The following DENND1B variants were observed in gnomAD, a reference collection of about 807,000 sequenced individuals.
DENND1B encodes DENN domain-containing protein 1B.
DENND1B carries 59 observed loss-of-function variants against 90.1 expected under a neutral mutation model. That is an observed-to-expected ratio of 0.65 (90% CI 0.53 to 0.81). The LOEUF (loss-of-function observed/expected upper bound fraction) is 0.81. DENND1B is among the 40% of genes least tolerant of loss of function. The probability of loss-of-function intolerance (pLI) is 0.00; values close to 1 mark genes in which losing one functional copy is unlikely to be tolerated. For synonymous variants in DENND1B, 337 were observed against 324.6 expected, an observed-to-expected ratio of 1.04 and a Z score of -0.41; for missense variants, 862 against 912.6, an observed-to-expected ratio of 0.94 and a Z score of 0.71.
At chr1:197,668,100 T>C (rs1198754273) in intron 5 of DENND1B, among the ~76,000 whole-genome samples, 1 of 152,168 alleles carries the variant, frequency 6.6e-6, no homozygotes, top group Non-Finnish European at 1.5e-5. Flanking sequence ...CATACACATA[T>C]AACTTGTTCT....
intron 20 of DENND1B, among the ~76,000 whole-genome samples, chr1:197,519,939 A>C (rs1668656559): frequency 6.6e-6 from 1 of 151,734 alleles, no homozygotes; most frequent in Admixed American, 6.6e-5. Context: ...AAAGCTGGAA[A>C]TTTAAATTCA....
rs569395209 is a variant in DENND1B, at chr1:197,647,214, T to C, written c.448-100A>G. 3.0e-5 allele frequency: 20 copies of C among 656,564 alleles called. No homozygotes were observed. In the East Asian group the frequency reaches 3.1e-4, roughly 10 times the overall value. The allele number at this position is 656,564 out of a possible 1,614,324, so 40.7% of individuals were successfully genotyped here. A position where few individuals can be genotyped will look rare whatever the true frequency, so the allele number is the denominator to read the frequency against. On this transcript the variant is annotated intron_variant, in intron 7 of 22. Transcript: ENST00000620048. ...TTGAGACAAACCCATGTAGCCAAGT[T>C]AGCCACTAAAAAATACTTGAATAAT... is the stretch of plus-strand genomic sequence containing the variant.
At chr1:197,756,711 TATTC>T (rs1246776019) in intron 2 of DENND1B, among the ~76,000 whole-genome samples, 1 of 151,808 alleles carries the variant, frequency 6.6e-6, no homozygotes, top group African/African-American at 2.4e-5. Context: ...TAATAAATTT[TATTC>T]ATTATCCTTT....
At chr1:197,598,002 C>T (rs1352856588) in intron 13 of DENND1B, among the ~76,000 whole-genome samples, 1 of 151,696 alleles carries the variant, frequency 6.6e-6, no homozygotes, top group African/African-American at 2.4e-5. Context: ...ACATTAATTT[C>T]ACCTATTTCT....
chr1:197,642,657 T>C, intron 10 of DENND1B, 54 bp downstream of exon 10: 1 of 1,299,294 alleles, frequency 7.7e-7, no homozygotes, highest in Admixed American at 2.0e-5. Context: ...GGTTTTTAGG[T>C]CTTTTTGTGA....
At chr1:197,553,259 A>G (rs1009446613) in intron 15 of DENND1B, 147 bp from the exon 16 acceptor site, 5 of 542,884 alleles carry the variant, frequency 9.2e-6, no homozygotes, top group Middle Eastern at 4.9e-4. Flanking sequence ...TATGGTGTAT[A>G]TATACACACA....
chr1:197,671,054 C>A (rs1054445202), intron 5 of DENND1B, among the ~76,000 whole-genome samples: 25 of 152,066 alleles, frequency 1.6e-4, no homozygotes, highest in Non-Finnish European at 1.5e-4. Context: ...AAATTAACAA[C>A]CTCTCAATGA....
chr1:197,698,556 C>T (rs374043622), intron 3 of DENND1B, among the ~76,000 whole-genome samples: 1 of 150,896 alleles, frequency 6.6e-6, no homozygotes, highest in African/African-American at 2.4e-5. Flanking sequence ...CAAGAAATAA[C>T]TAAGATCAGA....
chr1:197,628,122 T>C (rs573510075), intron 10 of DENND1B, among the ~76,000 whole-genome samples: 2 of 152,126 alleles, frequency 1.3e-5, no homozygotes, highest in African/African-American at 4.8e-5. Context: ...ATAGATTCAA[T>C]GCCATCCCCA....
At chr1:197,707,673 AATAATATAAT>A (rs567297586) in intron 3 of DENND1B, among the ~76,000 whole-genome samples, 5 of 145,630 alleles carry the variant, frequency 3.4e-5, no homozygotes, top group South Asian at 2.1e-4. Flanking sequence ...TATATAATAT[AATAATATAAT>A]ATAATATAAT....
chr1:197,540,165 A>T (rs1230001203), intron 19 of DENND1B, 94 bp from the exon 20 acceptor site: 1 of 705,734 alleles, frequency 1.4e-6, no homozygotes, highest in East Asian at 3.0e-5. Context: ...ATATACATAC[A>T]AGTAGCAAAA....
intron 7 of DENND1B, among the ~76,000 whole-genome samples, chr1:197,651,166 T>C (rs972028296): frequency 2.0e-4 from 30 of 152,098 alleles, no homozygotes; most frequent in Admixed American, 2.0e-3. Context: ...TGCGACATTA[T>C]ATTTTTTATT....
intron 2 of DENND1B, among the ~76,000 whole-genome samples, chr1:197,726,450 T>A (rs906326228): frequency 3.3e-5 from 5 of 152,130 alleles, no homozygotes; most frequent in African/African-American, 9.7e-5. Context: ...AGGAGCCAAG[T>A]GCAGCAATAA....
At chr1:197,665,691 G>A (rs185519808) in intron 5 of DENND1B, among the ~76,000 whole-genome samples, 158 of 152,018 alleles carry the variant, frequency 1.0e-3, no homozygotes, top group African/African-American at 3.8e-3. Flanking sequence ...TAAATGTATG[G>A]CATTTTAATT....
At chr1:197,517,601 A>G (rs527981654) in intron 20 of DENND1B, among the ~76,000 whole-genome samples, 1 of 151,968 alleles carries the variant, frequency 6.6e-6, no homozygotes, top group Non-Finnish European at 1.5e-5. Context: ...TCTGTCTTGT[A>G]GAATGTTACA....
chr1:197,618,486 A>G (rs1179612952), intron 10 of DENND1B, among the ~76,000 whole-genome samples: 1 of 151,190 alleles, frequency 6.6e-6, no homozygotes, highest in Admixed American at 6.6e-5. Flanking sequence ...CACTGTTGCT[A>G]TTTTAAAGGT....
upstream of DENND1B, among the ~76,000 whole-genome samples, chr1:197,776,631 TA>T (rs1293961348): frequency 1.3e-5 from 2 of 152,160 alleles, no homozygotes; most frequent in Non-Finnish European, 2.9e-5. Flanking sequence ...TCATAAGACA[TA>T]AAAGTCAGAA....
intron 1 of DENND1B, among the ~76,000 whole-genome samples, chr1:197,774,060 T>C (rs1266805663): frequency 6.6e-6 from 1 of 152,232 alleles, no homozygotes; most frequent in Admixed American, 6.5e-5. Context: ...TTTTAGCCTT[T>C]CCGCTATTAA....
At chr1:197,609,222 GAAC>G (rs1443456347) in intron 12 of DENND1B, among the ~76,000 whole-genome samples, 1 of 150,530 alleles carries the variant, frequency 6.6e-6, no homozygotes, top group East Asian at 1.9e-4. Flanking sequence ...TGCTTATTAA[GAAC>G]AACTGTAAGG....
Sources: gnomAD v4.1 joint callset for allele counts (sites outside exome capture counted in the v4.1 genomes callset) on GRCh38, gnomAD v4.1.1 for gene constraint, MANE v1.5 for transcripts, NCBI Gene and HGNC (gene_info 2026-07-23, HGNC 2026-07-21) for gene names.